Variants in STXBP5L observed in about 807,000 individuals in gnomAD.
The protein encoded by STXBP5L is syntaxin binding protein 5L.
STXBP5L carries 65 observed loss-of-function variants against 144.5 expected under a neutral mutation model. That is an observed-to-expected ratio of 0.45 (90% CI 0.37 to 0.55). STXBP5L has a LOEUF of 0.55. Ranked by LOEUF, STXBP5L falls within the 20% of genes least tolerant of loss-of-function variation. STXBP5L has a pLI of 0.00. For missense variants in STXBP5L, 1,298 were observed against 1,405.5 expected, an observed-to-expected ratio of 0.92 and a Z score of 1.22; for synonymous variants, 505 against 469.6, an observed-to-expected ratio of 1.08 and a Z score of -0.97.
intron 3 of STXBP5L, among the ~76,000 whole-genome samples, chr3:121,033,509 C>G (rs536326206): frequency 7.4e-6 from 1 of 135,276 alleles, no homozygotes; most frequent in Non-Finnish European, 1.6e-5. Flanking sequence ...CAGCATGGCA[C>G]ATGTATACAT....
At chr3:121,250,657 A>G in intron 14 of STXBP5L, 66 bp from the exon 15 acceptor site, 1 of 1,327,590 alleles carries the variant, frequency 7.5e-7, no homozygotes, top group Non-Finnish European at 1.1e-6. Flanking sequence ...AAGTTTCTGT[A>G]CATTTGGAGT....
intron 3 of STXBP5L, among the ~76,000 whole-genome samples, chr3:120,961,274 G>GT (rs529704108): frequency 0.018 from 2,260 of 126,262 alleles, 19 homozygotes; most frequent in Middle Eastern, 0.025. Context: ...TTCTTTTTTT[G>GT]TTTTTTTTTT....
intron 3 of STXBP5L, among the ~76,000 whole-genome samples, chr3:121,006,408 G>A (rs1320480625): frequency 6.6e-6 from 1 of 152,050 alleles, no homozygotes; most frequent in South Asian, 2.1e-4. Flanking sequence ...TTGCTTGGTA[G>A]ATCTTCCTCC....
intron 5 of STXBP5L, among the ~76,000 whole-genome samples, chr3:121,109,373 A>G (rs2043873930): frequency 6.6e-6 from 1 of 152,068 alleles, no homozygotes; most frequent in Non-Finnish European, 1.5e-5. Context: ...AGTTCTATAA[A>G]TTTCCCTCTT....
chr3:121,375,164 T>G (rs1205971571), intron 20 of STXBP5L, among the ~76,000 whole-genome samples: 1 of 152,178 alleles, frequency 6.6e-6, no homozygotes, highest in Admixed American at 6.5e-5. Flanking sequence ...TTGTACCCTT[T>G]AAATTTATAC....
intron 10 of STXBP5L, among the ~76,000 whole-genome samples, chr3:121,214,190 T>C (rs2048688338): frequency 6.6e-6 from 1 of 152,216 alleles, no homozygotes; most frequent in South Asian, 2.1e-4. Flanking sequence ...TGAAGGGTTT[T>C]TCATGTCTCT....
intron 4 of STXBP5L, among the ~76,000 whole-genome samples, chr3:121,042,495 G>A (rs1330661682): frequency 2.6e-5 from 4 of 152,172 alleles, no homozygotes; most frequent in South Asian, 4.2e-4. Flanking sequence ...TGCTTTAAAA[G>A]TTTGTGCCAT....
At chr3:121,089,146 T>C (rs1300603814) in intron 5 of STXBP5L, among the ~76,000 whole-genome samples, 1 of 79,000 alleles carries the variant, frequency 1.3e-5, no homozygotes, top group Non-Finnish European at 2.7e-5. Context: ...AGGAAAAAAA[T>C]ATATAAATAC....
intron 9 of STXBP5L, among the ~76,000 whole-genome samples, chr3:121,161,721 C>T (rs913531571): frequency 2.0e-5 from 3 of 151,912 alleles, no homozygotes; most frequent in Non-Finnish European, 4.4e-5. Context: ...GTGTATTTTT[C>T]AATTGCAGTG....
intron 2 of STXBP5L, among the ~76,000 whole-genome samples, chr3:120,928,385 C>T (rs2107609704): frequency 6.6e-6 from 1 of 152,266 alleles, no homozygotes; most frequent in South Asian, 2.1e-4. Flanking sequence ...GCCTCAGCCT[C>T]TGGAGTAGCT....
At chr3:121,238,502 A>G (rs1349643172) in intron 12 of STXBP5L, among the ~76,000 whole-genome samples, 1 of 152,182 alleles carries the variant, frequency 6.6e-6, no homozygotes, top group Admixed American at 6.6e-5. Flanking sequence ...TTTCAAGATG[A>G]GGTTTGGAGG....
intron 18 of STXBP5L, among the ~76,000 whole-genome samples, chr3:121,269,912 A>C (rs1032760317): frequency 6.6e-6 from 1 of 152,186 alleles, no homozygotes; most frequent in African/African-American, 2.4e-5. Flanking sequence ...ATTTAGGATT[A>C]ATTGTGCCAG....
At chr3:121,331,641 T>A (rs975721786) in intron 20 of STXBP5L, among the ~76,000 whole-genome samples, 1 of 152,144 alleles carries the variant, frequency 6.6e-6, no homozygotes, top group Non-Finnish European at 1.5e-5. Context: ...CCACAGTGCA[T>A]TTCACTGAGA....
intron 3 of STXBP5L, among the ~76,000 whole-genome samples, chr3:121,033,572 T>TA (rs11334060): frequency 0.49 from 68,844 of 141,204 alleles, 16,863 homozygotes; most frequent in East Asian, 0.64. Context: ...AAAGTACAAT[T>TA]AAAAAAAAAA....
intron 11 of STXBP5L, among the ~76,000 whole-genome samples, chr3:121,225,289 T>C (rs542633900): frequency 9.2e-5 from 14 of 152,092 alleles, no homozygotes; most frequent in Admixed American, 5.2e-4. Context: ...ATCATTGGTG[T>C]TGGATTGTGC....
At chr3:121,363,320 C>T (rs999819355) in intron 20 of STXBP5L, among the ~76,000 whole-genome samples, 1 of 152,138 alleles carries the variant, frequency 6.6e-6, no homozygotes, top group South Asian at 2.1e-4. Flanking sequence ...AGCACTAGGA[C>T]TCACCTAAGA....
intron 22 of STXBP5L, among the ~76,000 whole-genome samples, chr3:121,400,514 C>A (rs887143040): frequency 5.9e-5 from 9 of 152,180 alleles, no homozygotes; most frequent in Admixed American, 3.9e-4. Context: ...CTGGGAGTCA[C>A]CCCTCTTCTA....
chr3:121,349,191 A>T (rs968660528), intron 20 of STXBP5L, among the ~76,000 whole-genome samples: 3 of 152,024 alleles, frequency 2.0e-5, no homozygotes, highest in Non-Finnish European at 4.4e-5. Context: ...GAACATCTTT[A>T]TTTCTGCCTT....
At chr3:121,013,109 T>G (rs192428500) in intron 3 of STXBP5L, among the ~76,000 whole-genome samples, 1 of 152,192 alleles carries the variant, frequency 6.6e-6, no homozygotes, top group Non-Finnish European at 1.5e-5. Context: ...GATGGGCACC[T>G]GGGTTGATTC....
Sources: allele counts gnomAD v4.1 joint callset (sites outside exome capture counted in the v4.1 genomes callset), GRCh38; gene constraint gnomAD v4.1.1; transcripts MANE v1.5; gene names NCBI Gene and HGNC (gene_info 2026-07-23, HGNC 2026-07-21).